HK1: variants seen among roughly 807,000 people sequenced by gnomAD.
HK1 encodes hexokinase 1.
Under a neutral mutation model 91.6 loss-of-function variants are expected in HK1, and 28 were observed. That is an observed-to-expected ratio of 0.31 (90% CI 0.23 to 0.42). The LOEUF (loss-of-function observed/expected upper bound fraction) is 0.42. HK1 is among the 10% of genes least tolerant of loss of function. The pLI, the probability that HK1 is intolerant of heterozygous loss-of-function variation, is 1.00. For synonymous variants in HK1, 430 were observed against 468.1 expected (o/e 0.92, Z 1.05); for missense variants, 770 against 1,219.8 (o/e 0.63, Z 5.49).
At chr10:69,309,880 C>G (rs1846282980) in intron 5 of HK1, among the ~76,000 whole-genome samples, 1 of 149,772 alleles carries the variant, frequency 6.7e-6, no homozygotes, top group South Asian at 2.1e-4. Context: ...CACCCCATCT[C>G]TACTAAAAAT....
chr10:69,342,723 G>A (rs1043609748), intron 1 of HK1, among the ~76,000 whole-genome samples: 1 of 152,140 alleles, frequency 6.6e-6, no homozygotes, highest in Non-Finnish European at 1.5e-5. Flanking sequence ...TGTTACAGTG[G>A]ATCATCAGCA....
In HK1 at chr10:69,343,704, A is replaced by G. The variant is rs1848404037; in HGVS notation, c.64-123A>G. The G allele has an allele frequency of 5.1e-6, 4 of 790,874 alleles. No individual in the cohort carries two copies. The South Asian group carries it at 5.4e-5, about 11-fold the overall frequency. The allele number at this position is 790,874 out of a possible 1,614,324, so 49.0% of individuals were successfully genotyped here. ...GACAGCAGTTGAATGACCTTCCGCC[A>G]TGCGATGTGCCAGCGTGCGTGTTCC... On this transcript the variant is annotated intron_variant, in intron 1 of 17. Coordinates refer to ENST00000359426, the MANE Select transcript of HK1 (RefSeq NM_000188.3).
chr10:69,364,266 G>T (rs1849581802), intron 3 of HK1, among the ~76,000 whole-genome samples: 1 of 152,090 alleles, frequency 6.6e-6, no homozygotes. Context: ...TACTTTTTGG[G>T]GTATGCATAA....
chr10:69,364,958 A>G, intron 4 of HK1, 56 bp downstream of exon 4: 2 of 1,605,316 alleles, frequency 1.2e-6, no homozygotes, highest in South Asian at 2.2e-5. Context: ...GGAAAAGCTA[A>G]CAAGCCCTTT....
intron 1 of HK1, among the ~76,000 whole-genome samples, chr10:69,340,141 T>C (rs1315991427): frequency 1.3e-5 from 2 of 152,202 alleles, no homozygotes; most frequent in Non-Finnish European, 2.9e-5. Flanking sequence ...CGCAGTATCA[T>C]AGGAGATGGA....
At position 69,398,671 on chromosome 10, in the gene HK1, C is replaced by G; in HGVS notation, c.2452C>G (p.Leu818Val). The G allele has an allele frequency of 6.2e-7, 1 of 1,614,180 alleles. No individual in the cohort carries two copies. Among genetic ancestry groups the G allele is most frequent in the Non-Finnish European group, 8.5e-7 (1 of 1,180,034 alleles). The change falls in exon 17 of 18, where the codon CTC becomes GTC. Residue 818 changes from leucine to valine, a missense_variant. Around this residue, in one of 7 missense-constraint regions of HK1, gnomAD observed 78 missense variants for 99.0 expected, o/e 0.79. Transcript: ENST00000359426. ...GLNSTCDDSI[L>V]VKTVCGVVSR... The stretch of plus-strand genomic sequence containing the variant: ...GAATAGCACCTGCGATGACAGTATC[C>G]TCGTCAAGACAGTGTGCGGGGTGGT...
intron 5 of HK1, among the ~76,000 whole-genome samples, chr10:69,306,687 C>A (rs1846124762): frequency 6.6e-6 from 1 of 152,214 alleles, no homozygotes. Context: ...TAGTCCAGTC[C>A]TTGTCCTGTA....
At chr10:69,330,432 G>A (rs1410857252) in intron 1 of HK1, among the ~76,000 whole-genome samples, 3 of 151,972 alleles carry the variant, frequency 2.0e-5, no homozygotes, top group South Asian at 2.1e-4. Context: ...ATGTGATCTC[G>A]GTGGCCAGAA....
chr10:69,364,647 C>T, intron 3 of HK1, 136 bp from the exon 4 acceptor site: 8 of 1,098,558 alleles, frequency 7.3e-6, no homozygotes, highest in Non-Finnish European at 1.1e-5. Context: ...ACAGGGCCAC[C>T]AGGTCCCAGG....
intron 1 of HK1, among the ~76,000 whole-genome samples, chr10:69,322,890 C>CAA (rs36022169): frequency 0.038 from 4,384 of 114,408 alleles, 114 homozygotes; most frequent in South Asian, 0.077. Context: ...AACTCCGTCT[C>CAA]AAAAAAAAAA....
At position 69,369,765 on chromosome 10, in the gene HK1, G is replaced by C. The variant is rs756547955; in HGVS notation, c.875+141G>C. 62 of 817,502 alleles carry C rather than the reference G, an allele frequency of 7.6e-5. No individual in the cohort carries two copies. The highest frequency in any genetic ancestry group is 1.1e-4 in the Non-Finnish European group (56 of 490,472). 50.6% of individuals were successfully genotyped at this position (817,502 alleles called of 1,614,324 possible). A position where few individuals can be genotyped will look rare whatever the true frequency, so the allele number is the denominator to read the frequency against. On this transcript the variant is annotated intron_variant, in intron 7 of 17. Coordinates refer to ENST00000359426, the MANE Select transcript of HK1 (RefSeq NM_000188.3). The surrounding 1 kb of genome is among the most constrained non-coding windows in gnomAD (Gnocchi z 4.4). ...TGTCACATTTTTTTTTTGAGGCGGA[G>C]TCTTGCTCTGTCACCCAGGCTGGAG...
At chr10:69,315,517 C>T (rs1011124182), upstream of HK1, among the ~76,000 whole-genome samples, 9 of 152,172 alleles carry the variant, frequency 5.9e-5, no homozygotes, top group Admixed American at 5.9e-4. Context: ...ACTAAGGACT[C>T]CCTGTGGGTT....
At position 69,380,183 on chromosome 10, in the gene HK1, C is replaced by G; in HGVS notation, c.1265+88C>G. The G allele has an allele frequency of 9.3e-7, 1 of 1,077,610 alleles. No individual in the cohort carries two copies. 66.8% of individuals were successfully genotyped at this position (1,077,610 alleles called of 1,614,324 possible). On this transcript the variant is annotated intron_variant, in intron 9 of 17. Coordinates refer to ENST00000359426, the MANE Select transcript of HK1 (RefSeq NM_000188.3). This position sits in a 1 kb window ranked among gnomAD's most constrained non-coding sequence, Gnocchi z 4.0. ...AGATCAGACTTTTGTACCCGGTAAA[C>G]GTTTTTCGGCAGACAAGACAATGGT...
rs973585655 is a variant in HK1 at position 69,361,349 on chromosome 10, G to A, written c.375+1304G>A. ...CCATCCATCTGGCGCCTGCACAAAG[G>A]CTGCCAGCTGGTAGGTCTCTTGACC... On this transcript the variant is annotated intron_variant, in intron 3 of 17. Transcript: ENST00000359426. Among the ~76,000 whole-genome samples the A allele has an allele frequency of 3.9e-5, 6 of 152,238 alleles. No individual in the cohort carries two copies. The East Asian group carries it at 1.2e-3, about 29-fold the overall frequency.
At chr10:69,285,743 G>A in intron 2 of HK1, among the ~76,000 whole-genome samples, 1 of 152,158 alleles carries the variant, frequency 6.6e-6, no homozygotes, top group African/African-American at 2.4e-5. Flanking sequence ...GAGAGTATAT[G>A]GAGAATGGAA....
At position 69,369,767 on chromosome 10, in the gene HK1, C is replaced by A; in HGVS notation, c.875+143C>A. On this transcript the variant is annotated intron_variant, in intron 7 of 17. Coordinates refer to ENST00000359426, the MANE Select transcript of HK1 (RefSeq NM_000188.3). The surrounding 1 kb of genome is among the most constrained non-coding windows in gnomAD (Gnocchi z 4.4). ...TCACATTTTTTTTTTGAGGCGGAGT[C>A]TTGCTCTGTCACCCAGGCTGGAGTG... is the stretch of plus-strand genomic sequence containing the variant. 1 of 819,680 alleles carries A rather than the reference C, an allele frequency of 1.2e-6. No homozygotes were observed. The highest frequency in any genetic ancestry group is 2.0e-6 in the Non-Finnish European group (1 of 492,594). 50.8% of individuals were successfully genotyped at this position (819,680 alleles called of 1,614,324 possible).
chr10:69,306,288 G>A (rs1846099569), intron 5 of HK1, among the ~76,000 whole-genome samples: 1 of 152,066 alleles, frequency 6.6e-6, no homozygotes, highest in African/African-American at 2.4e-5. Flanking sequence ...AATCCGGGAG[G>A]TGGAGCTTGC....
chr10:69,345,563 G>A (rs983838351), intron 2 of HK1, among the ~76,000 whole-genome samples: 2 of 152,102 alleles, frequency 1.3e-5, no homozygotes, highest in African/African-American at 2.4e-5. Context: ...AGGGGAGGGG[G>A]TATGGGCAGC....
intron 1 of HK1, among the ~76,000 whole-genome samples, chr10:69,271,917 G>A (rs554443078): frequency 2.0e-5 from 3 of 151,900 alleles, no homozygotes; most frequent in African/African-American, 7.3e-5. Flanking sequence ...AGGCTGGAGT[G>A]TAGTGGCACA....
Sources: gnomAD v4.1 joint callset for allele counts (sites outside exome capture counted in the v4.1 genomes callset) on GRCh38, gnomAD v4.1.1 for gene constraint, gnomAD v4.1.1 regional missense constraint, Gnocchi (gnomAD v3.1) non-coding constraint, MANE v1.5 for transcripts, NCBI Gene and HGNC (gene_info 2026-07-23, HGNC 2026-07-21) for gene names.